The following VPS35L variants were observed in gnomAD, a reference collection of about 807,000 sequenced individuals.
The protein encoded by VPS35L is VPS35 endosomal protein-sorting factor-like.
VPS35L carries 83 observed loss-of-function variants against 133.0 expected under a neutral mutation model. The observed-to-expected ratio is 0.62, with a 90% CI of 0.52 to 0.75. VPS35L has a LOEUF of 0.75. Among genes scored for constraint, VPS35L ranks in the 30% least tolerant of loss-of-function variants. The probability of loss-of-function intolerance (pLI) is 0.00; values close to 1 mark genes in which losing one functional copy is unlikely to be tolerated. For synonymous variants in VPS35L, 423 were observed against 449.9 expected, an observed-to-expected ratio of 0.94 and a Z score of 0.76; for missense variants, 1,083 against 1,206.8, an observed-to-expected ratio of 0.90 and a Z score of 1.52.
chr16:19,655,710 T>C (rs72767594), intron 26 of VPS35L, among the ~76,000 whole-genome samples: 32,291 of 152,132 alleles, frequency 0.21, 4,029 homozygotes, highest in Non-Finnish European at 0.27. Context: ...CACGCATGCT[T>C]GTGCCCACCA....
At chr16:19,591,504 T>C (rs534818919) in intron 7 of VPS35L, among the ~76,000 whole-genome samples, 14 of 151,436 alleles carry the variant, frequency 9.2e-5, no homozygotes, top group Non-Finnish European at 1.6e-4. Flanking sequence ...TCACTTGAGG[T>C]TGGGAGTTTA....
At position 19,633,974 on chromosome 16, in the gene VPS35L, C is replaced by G. The variant is rs926044417; in HGVS notation, c.1635+802C>G. Among the ~76,000 whole-genome samples, 7 of 152,088 alleles carry G rather than the reference C, an allele frequency of 4.6e-5. No individual in the cohort carries two copies. Among genetic ancestry groups the G allele is most frequent in the Non-Finnish European group, 1.0e-4 (7 of 68,008 alleles). ...ATGTCCTGACTTCGTGATCCACCCG[C>G]CTCAGCCTCCCAAAGTGCTGGGATT... On this transcript the variant is annotated intron_variant, in intron 19 of 30. Transcript: ENST00000417362. The surrounding 1 kb of genome is among the most constrained non-coding windows in gnomAD (Gnocchi z 4.1).
chr16:19,575,019 A>C lies in VPS35L; in HGVS notation c.409-79A>C, dbSNP rs992155486. On this transcript the variant is annotated intron_variant, in intron 4 of 30. Transcript: ENST00000417362. Reference sequence around the variant, plus strand: ...GAATATATATTTCTTTCTCTTGGGTATGTAAATGGCTCTGTTGGAAAACAA... The same window carrying C: ...GAATATATATTTCTTTCTCTTGGGTCTGTAAATGGCTCTGTTGGAAAACAA... The C allele has an allele frequency of 2.6e-6, 3 of 1,168,098 alleles. No homozygotes were observed. The African/African-American group carries it at 4.7e-5, about 18-fold the overall frequency. The allele number at this position is 1,168,098 out of a possible 1,614,324, so 72.4% of individuals were successfully genotyped here. A position where few individuals can be genotyped will look rare whatever the true frequency, so the allele number is the denominator to read the frequency against.
intron 7 of VPS35L, among the ~76,000 whole-genome samples, chr16:19,587,221 C>G (rs226855): frequency 0.065 from 9,899 of 152,218 alleles, 738 homozygotes; most frequent in African/African-American, 0.18. Flanking sequence ...CTCCCACCAG[C>G]CCTTTCCTCC....
In VPS35L at chr16:19,616,102, G is replaced by A; in HGVS notation, c.1024-12G>A. Reference sequence around the variant, plus strand: ...TTATTTGCAACCAGTTTTTCCATTTGTCTGGCTGCAGGTGGGAATGGAAGT... The same window carrying A: ...TTATTTGCAACCAGTTTTTCCATTTATCTGGCTGCAGGTGGGAATGGAAGT... On this transcript the variant is annotated splice_polypyrimidine_tract_variant and intron_variant, in intron 12 of 30. Coordinates refer to ENST00000417362, the MANE Select transcript of VPS35L (RefSeq NM_020314.7). The A allele has an allele frequency of 6.2e-7, 1 of 1,607,732 alleles. No individual in the cohort carries two copies. Among genetic ancestry groups the A allele is most frequent in the Admixed American group, 1.7e-5 (1 of 59,554 alleles).
At chr16:19,601,389 G>A (rs1480008532) in intron 8 of VPS35L, among the ~76,000 whole-genome samples, 6 of 152,154 alleles carry the variant, frequency 3.9e-5, no homozygotes, top group South Asian at 4.1e-4. Context: ...GTGGACCATC[G>A]TCTGAGTGGA....
At position 19,591,839 on chromosome 16, in the gene VPS35L, A is replaced by G. The variant is rs746210321; in HGVS notation, c.689A>G (p.Lys230Arg). 2 of 1,612,592 alleles carry G rather than the reference A, an allele frequency of 1.2e-6. No homozygotes were observed. The highest frequency in any genetic ancestry group is 1.7e-6 in the Non-Finnish European group (2 of 1,178,820). The change falls in exon 8 of 31, where the codon AAA becomes AGA. Residue 230 changes from lysine (K) to arginine (R), a missense_variant. Coordinates refer to ENST00000417362, the MANE Select transcript of VPS35L (RefSeq NM_020314.7). Reference protein sequence around the residue: ...DTSVIQFYPSKFVLITDILDT... With the variant: ...DTSVIQFYPSRFVLITDILDT... ...AGTGTTATTCAGTTCTACCCAAGCA[A>G]ATTTGTCCTTATCACCGACATACTT... is the stretch of plus-strand genomic sequence containing the variant.
At chr16:19,591,206 TAGAAA>T (rs1410902931) in intron 7 of VPS35L, among the ~76,000 whole-genome samples, 1 of 152,040 alleles carries the variant, frequency 6.6e-6, no homozygotes, top group East Asian at 1.9e-4. Flanking sequence ...GGTCATTTCT[TAGAAA>T]AGAATGTTTA....
At chr16:19,665,358 A>T (rs972413711) in intron 26 of VPS35L, among the ~76,000 whole-genome samples, 1 of 152,030 alleles carries the variant, frequency 6.6e-6, no homozygotes, top group Non-Finnish European at 1.5e-5. Context: ...TCTGGTAACT[A>T]TCCTTCTACT....
At chr16:19,566,217 C>T (rs114186239) in intron 2 of VPS35L, among the ~76,000 whole-genome samples, 2,742 of 152,210 alleles carry the variant, frequency 0.018, 91 homozygotes, top group African/African-American at 0.063. Flanking sequence ...AATTCTTGGC[C>T]GGGCTCCATG....
chr16:19,629,271 T>G (rs767553496), intron 17 of VPS35L, among the ~76,000 whole-genome samples: 9 of 152,168 alleles, frequency 5.9e-5, no homozygotes, highest in Non-Finnish European at 1.2e-4. Flanking sequence ...TGTCTCTATT[T>G]GAACTAAAAA....
Position 19,679,577 on chromosome 16 carries a change from C to T in VPS35L, c.2362-2648C>T, listed in dbSNP as rs143237700. ...CTGCAGTGCAGTAGTGTGATCTCTG[C>T]TCGCTCATCCTCCACCTCCTGGGTT... On this transcript the variant is annotated intron_variant, in intron 27 of 30. Transcript: ENST00000417362. Among the ~76,000 whole-genome samples, 346 of 151,766 alleles carry T rather than the reference C, an allele frequency of 2.3e-3. 2 individuals carry two copies. Among genetic ancestry groups the T allele is most frequent in the African/African-American group, 7.7e-3 (320 of 41,376 alleles).
At position 19,562,737 on chromosome 16, in the gene VPS35L, T is replaced by C. The variant is rs529400055; in HGVS notation, c.18-2114T>C. Among the ~76,000 whole-genome samples the C allele has an allele frequency of 2.0e-5, 3 of 152,204 alleles. No individual in the cohort carries two copies. In the East Asian group the frequency reaches 5.8e-4, roughly 29 times the overall value. ...ACATTTTCTGCCTTCCCCCCACTCC[T>C]GTGTTCCTCTCCTTCAGATTTTTTT... On this transcript the variant is annotated intron_variant, in intron 1 of 30. Transcript: ENST00000417362.
intron 8 of VPS35L, among the ~76,000 whole-genome samples, chr16:19,596,297 CAG>C (rs1972213802): frequency 6.7e-6 from 1 of 149,532 alleles, no homozygotes; most frequent in Admixed American, 6.6e-5. Flanking sequence ...TTTTTTGAGA[CAG>C]GGTCTCACTT....
In VPS35L at chr16:19,633,677, A is replaced by G. The variant is rs1973529846; in HGVS notation, c.1635+505A>G. ...TATTGGAAAGTTAAAAGAAAGCTCAAAGAATTCCTATTATTCTTTAACCAG... is the reference window on the plus strand; with the variant it reads ...TATTGGAAAGTTAAAAGAAAGCTCAGAGAATTCCTATTATTCTTTAACCAG... On this transcript the variant is annotated intron_variant, in intron 19 of 30. Transcript: ENST00000417362. This position sits in a 1 kb window ranked among gnomAD's most constrained non-coding sequence, Gnocchi z 4.1. 6.6e-6 allele frequency among the ~76,000 whole-genome samples: 1 copy of G among 152,092 alleles called. No individual in the cohort carries two copies. The highest frequency in any genetic ancestry group is 2.4e-5 in the African/African-American group (1 of 41,382).
intron 12 of VPS35L, among the ~76,000 whole-genome samples, chr16:19,614,128 A>G (rs1019784238): frequency 6.6e-6 from 1 of 152,202 alleles, no homozygotes; most frequent in African/African-American, 2.4e-5. Context: ...CCACCAGGCC[A>G]GCCTTTGCTG....
chr16:19,671,568 G>A (rs1974874688), intron 27 of VPS35L, among the ~76,000 whole-genome samples: 1 of 151,662 alleles, frequency 6.6e-6, no homozygotes, highest in South Asian at 2.1e-4. Context: ...CCTGAGGTCA[G>A]GTGTTCGAGA....
chr16:19,668,834 A>G lies in VPS35L; in HGVS notation c.2222-326A>G, dbSNP rs188895591. Among the ~76,000 whole-genome samples, 260 of 152,332 alleles carry G rather than the reference A, an allele frequency of 1.7e-3. 1 individual carries two copies. Among genetic ancestry groups the G allele is most frequent in the Non-Finnish European group, 2.5e-3 (169 of 68,026 alleles). On this transcript the variant is annotated intron_variant, in intron 26 of 30. Coordinates refer to ENST00000417362, the MANE Select transcript of VPS35L (RefSeq NM_020314.7). The stretch of plus-strand genomic sequence containing the variant: ...CAGCACCTTCCTCGCACTGGTAGAC[A>G]TGAGAATTCAATGAACCAATCCAAG...
At chr16:19,681,361 G>A (rs980769211) in intron 27 of VPS35L, among the ~76,000 whole-genome samples, 3 of 152,340 alleles carry the variant, frequency 2.0e-5, no homozygotes, top group African/African-American at 7.2e-5. Flanking sequence ...ATGGCCTCTT[G>A]CCGCTGCAGG....
Sources: allele counts gnomAD v4.1 joint callset (sites outside exome capture counted in the v4.1 genomes callset), GRCh38; gene constraint gnomAD v4.1.1; non-coding constraint Gnocchi (gnomAD v3.1); transcripts MANE v1.5; gene names NCBI Gene and HGNC (gene_info 2026-07-23, HGNC 2026-07-21).